MEGF9: variants seen among roughly 807,000 people sequenced by gnomAD.
The protein encoded by MEGF9 is multiple epidermal growth factor-like domains protein 9.
MEGF9 carries 6 observed loss-of-function variants against 46.8 expected under a neutral mutation model. The ratio of observed to expected loss-of-function variants is 0.13; its 90% CI spans 0.07 to 0.25. MEGF9 has a LOEUF of 0.25. Ranked by LOEUF, MEGF9 falls within the 10% of genes least tolerant of loss-of-function variation. The probability of loss-of-function intolerance (pLI) is 1.00; values close to 1 mark genes in which losing one functional copy is unlikely to be tolerated. For missense variants in MEGF9, 683 were observed against 792.4 expected, an observed-to-expected ratio of 0.86 and a Z score of 1.66; for synonymous variants, 302 against 330.7, an observed-to-expected ratio of 0.91 and a Z score of 0.94.
intron 2 of MEGF9, among the ~76,000 whole-genome samples, chr9:120,628,847 C>T (rs1564415576): frequency 6.6e-6 from 1 of 152,168 alleles, no homozygotes; most frequent in Non-Finnish European, 1.5e-5. Flanking sequence ...AAGGCAGTGC[C>T]TCTGCTTGCA....
intron 2 of MEGF9, among the ~76,000 whole-genome samples, chr9:120,655,144 A>G (rs1332249822): frequency 6.6e-6 from 1 of 152,188 alleles, no homozygotes; most frequent in Non-Finnish European, 1.5e-5. Context: ...ATTCTACAGT[A>G]GTGTACAATA....
chr9:120,695,496 T>C (rs1008765117), intron 1 of MEGF9, among the ~76,000 whole-genome samples: 3 of 144,918 alleles, frequency 2.1e-5, no homozygotes, highest in African/African-American at 7.8e-5. Flanking sequence ...TCCAGCTACT[T>C]GGGAGGCTAA....
intron 1 of MEGF9, among the ~76,000 whole-genome samples, chr9:120,693,076 C>A (rs1587997996): frequency 1.3e-5 from 2 of 152,128 alleles, no homozygotes; most frequent in Admixed American, 6.6e-5. Context: ...TAACAAAGAT[C>A]TGATGAATGT....
chr9:120,678,587 C>T (rs2043783965), intron 1 of MEGF9, among the ~76,000 whole-genome samples: 1 of 152,176 alleles, frequency 6.6e-6, no homozygotes, highest in Non-Finnish European at 1.5e-5. Context: ...ATTCTCATGC[C>T]TCAGCCTCCT....
intron 1 of MEGF9, among the ~76,000 whole-genome samples, chr9:120,711,871 A>ACACACACACACACAC (rs145059704): frequency 8.7e-5 from 13 of 150,106 alleles, no homozygotes; most frequent in African/African-American, 3.0e-4. Context: ...ACACACACAC[A>ACACACACACACACAC]CCCACAGGCC....
At chr9:120,653,848 T>C (rs930490435) in intron 2 of MEGF9, among the ~76,000 whole-genome samples, 7 of 152,082 alleles carry the variant, frequency 4.6e-5, no homozygotes, top group Non-Finnish European at 1.0e-4. Flanking sequence ...GTCAAGAAAC[T>C]GAGAGGCTGA....
At chr9:120,702,326 G>A (rs1163296261) in intron 1 of MEGF9, among the ~76,000 whole-genome samples, 1 of 152,098 alleles carries the variant, frequency 6.6e-6, no homozygotes, top group African/African-American at 2.4e-5. Context: ...AAGTGGCCCT[G>A]GGTAATATCA....
chr9:120,635,519 C>G (rs1564417116), intron 2 of MEGF9, among the ~76,000 whole-genome samples: 1 of 149,770 alleles, frequency 6.7e-6, no homozygotes, highest in Non-Finnish European at 1.5e-5. Context: ...ATTTCTCTCT[C>G]TTTTTTTTTT....
At chr9:120,694,448 A>G (rs1433227093) in intron 1 of MEGF9, among the ~76,000 whole-genome samples, 1 of 152,270 alleles carries the variant, frequency 6.6e-6, no homozygotes, top group Non-Finnish European at 1.5e-5. Context: ...AATAAAAAGT[A>G]CAGCTAATAT....
chr9:120,645,192 G>A (rs2043620268), intron 2 of MEGF9, among the ~76,000 whole-genome samples: 1 of 152,196 alleles, frequency 6.6e-6, no homozygotes, highest in Non-Finnish European at 1.5e-5. Flanking sequence ...TTTGAGGTTT[G>A]TTAGTGAAAA....
intron 1 of MEGF9, among the ~76,000 whole-genome samples, chr9:120,684,883 G>A (rs1484920516): frequency 6.6e-6 from 1 of 151,310 alleles, no homozygotes; most frequent in Non-Finnish European, 1.5e-5. Context: ...TCCCAGTCTG[G>A]AGTGCAGTGG....
chr9:120,641,506 A>T (rs1373745381), intron 2 of MEGF9, among the ~76,000 whole-genome samples: 2 of 152,220 alleles, frequency 1.3e-5, no homozygotes, highest in Non-Finnish European at 2.9e-5. Context: ...TCTAGTTTGC[A>T]TCTGCATAAG....
Position 120,714,036 on chromosome 9 carries a change from G to T in MEGF9, c.323C>A (p.Thr108Asn). The change falls in exon 1 of 6, where the codon ACT becomes AAT. Residue 108 changes from threonine (T) to asparagine (N), a missense_variant. By Grantham distance (65) the Thr-to-Asn change is moderately conservative. Transcript: ENST00000373930. ...QSPETTPLWA[T>N]AGPSSTTFQA... ...AAAGGTGGTGGAAGAGGGTCCAGCA[G>T]TCGCCCAAAGAGGGGTGGTCTCCGG... is the stretch of plus-strand genomic sequence containing the variant. 1 of 1,331,862 alleles carries T rather than the reference G, an allele frequency of 7.5e-7. No individual in the cohort carries two copies. Among genetic ancestry groups the T allele is most frequent in the Non-Finnish European group, 9.6e-7 (1 of 1,037,856 alleles). The allele number at this position is 1,331,862 out of a possible 1,614,324, so 82.5% of individuals were successfully genotyped here. A position where few individuals can be genotyped will look rare whatever the true frequency, so the allele number is the denominator to read the frequency against.
chr9:120,647,635 A>T (rs1031620979), intron 2 of MEGF9, among the ~76,000 whole-genome samples: 2 of 152,236 alleles, frequency 1.3e-5, no homozygotes, highest in African/African-American at 4.8e-5. Flanking sequence ...TTATCTTAAA[A>T]TAAAAAAAAG....
rs1416939792 is a variant in MEGF9, at chr9:120,708,507, CAAAT to C, written c.601+5247_601+5250del. ...AAGTCTATTCTCATCACTCAGATAA[CAAAT>C]AAATAATTAAGGTTCTTTGGGGGAC... On this transcript the variant is annotated intron_variant, in intron 1 of 5. Coordinates refer to ENST00000373930, the MANE Select transcript of MEGF9 (RefSeq NM_001080497.3). Among the ~76,000 whole-genome samples the C allele has an allele frequency of 2.6e-5, 4 of 152,322 alleles. No individual in the cohort carries two copies. The East Asian group carries it at 5.8e-4, about 22-fold the overall frequency.
In MEGF9 at chr9:120,624,087, T is replaced by C. The variant is rs528402888; in HGVS notation, c.804-1332A>G. On this transcript the variant is annotated intron_variant, in intron 2 of 5. Transcript: ENST00000373930. ...AGTAGTTGCTATTCCTGAAGTGGGT[T>C]TTCCCTTAATAATTCTTGGGGCACT... Among the ~76,000 whole-genome samples, 5 of 152,340 alleles carry C rather than the reference T, an allele frequency of 3.3e-5. No homozygotes were observed. The East Asian group carries it at 9.6e-4, about 29-fold the overall frequency.
intron 1 of MEGF9, among the ~76,000 whole-genome samples, chr9:120,662,002 TA>T (rs2043704621): frequency 6.6e-6 from 1 of 152,150 alleles, no homozygotes; most frequent in South Asian, 2.1e-4. Flanking sequence ...ATGAAAATAC[TA>T]AAAAAAATTT....
chr9:120,701,953 G>A (rs564980332), intron 1 of MEGF9, among the ~76,000 whole-genome samples: 5 of 152,050 alleles, frequency 3.3e-5, no homozygotes, highest in Admixed American at 6.5e-5. Context: ...TGAGGCAGGC[G>A]AATAGCGTGA....
intron 3 of MEGF9, among the ~76,000 whole-genome samples, chr9:120,616,740 A>G (rs1421933620): frequency 6.6e-6 from 1 of 151,618 alleles, no homozygotes; most frequent in Middle Eastern, 3.5e-3. Flanking sequence ...TTCCATTTCC[A>G]GCTGAAATTC....
Sources: gnomAD v4.1 joint callset for allele counts (sites outside exome capture counted in the v4.1 genomes callset) on GRCh38, gnomAD v4.1.1 for gene constraint, MANE v1.5 for transcripts, NCBI Gene and HGNC (gene_info 2026-07-23, HGNC 2026-07-21) for gene names.